Variants in NEB observed in about 807,000 individuals in gnomAD.
NEB encodes the protein nemaline myopathy type 2.
Under a neutral mutation model 952.2 loss-of-function variants are expected in NEB, and 512 were observed. The ratio of observed to expected loss-of-function variants is 0.54; its 90% CI spans 0.50 to 0.58. The LOEUF is 0.58. Ranked by LOEUF, NEB falls within the 20% of genes least tolerant of loss-of-function variation. The pLI, the probability that NEB is intolerant of heterozygous loss-of-function variation, is 0.00. For missense variants in NEB, 8,428 were observed against 9,231.1 expected (o/e 0.91, Z 3.56); for synonymous variants, 2,900 against 3,149.8 (o/e 0.92, Z 2.66).
rs746629795 is a variant in NEB, at chr2:151,646,110, T to G, written c.7536+20A>C. ...TTAAAATGAGCTTTCTGAAAACACA[T>G]GCTGAATTTGAAAACTTACATCACT... is the stretch of plus-strand genomic sequence containing the variant. On this transcript the variant is annotated intron_variant, in intron 55 of 181. Transcript: ENST00000397345. The G allele has an allele frequency of 6.6e-7, 1 of 1,517,112 alleles. No individual in the cohort carries two copies. The highest frequency in any genetic ancestry group is 9.0e-7 in the Non-Finnish European group (1 of 1,113,348). 94.0% of individuals were successfully genotyped at this position (1,517,112 alleles called of 1,614,324 possible).
intron 71 of NEB, among the ~76,000 whole-genome samples, chr2:151,624,654 T>C (rs767407755): frequency 6.6e-6 from 1 of 152,156 alleles, no homozygotes; most frequent in Non-Finnish European, 1.5e-5. Flanking sequence ...AGTAATAAAT[T>C]TGGTCATCTT....
At chr2:151,683,995 T>C (rs2099459293) in intron 28 of NEB, among the ~76,000 whole-genome samples, 1 of 152,168 alleles carries the variant, frequency 6.6e-6, no homozygotes, top group African/African-American at 2.4e-5. Context: ...ACTTTACATA[T>C]ATGAGGTATC....
At chr2:151,716,134 T>C (rs1006946006) in intron 10 of NEB, 16 of 440,594 alleles carry the variant, frequency 3.6e-5, no homozygotes, top group Admixed American at 1.0e-4. Context: ...TTCTTTCTTT[T>C]TTTTTTTCTT....
In NEB at chr2:151,717,639, C is replaced by G. The variant is rs1037856717; in HGVS notation, c.718-119G>C. ...GTCCTAGATGTTACATACCATTGCT[C>G]TCAGTACTGCTAGTGATTTCTATTT... On this transcript the variant is annotated intron_variant, in intron 9 of 181. Coordinates refer to ENST00000397345, the MANE Select transcript of NEB (RefSeq NM_001164508.2). The G allele has an allele frequency of 1.1e-5, 8 of 729,766 alleles. 1 individual carries two copies. The highest frequency in any genetic ancestry group is 5.4e-5 in the East Asian group (2 of 36,790). The allele number at this position is 729,766 out of a possible 1,614,324, so 45.2% of individuals were successfully genotyped here.
intron 173 of NEB, among the ~76,000 whole-genome samples, chr2:151,494,797 C>T (rs1434362247): frequency 2.0e-5 from 3 of 152,084 alleles, no homozygotes; most frequent in South Asian, 2.1e-4. Context: ...TACAGGCGTG[C>T]ACCACCATGC....
At position 151,486,892 on chromosome 2, in the gene NEB, T is replaced by A. The variant is rs537255388; in HGVS notation, c.25405-959A>T. On this transcript the variant is annotated intron_variant, in intron 181 of 181. Coordinates refer to ENST00000397345, the MANE Select transcript of NEB (RefSeq NM_001164508.2). ...GAATGCCAATGGGCACCAGCATTTG[T>A]TTGTTTGTTTTAATTCACCAGAAGA... 2.6e-5 allele frequency: 4 copies of A among 151,616 alleles called. No homozygotes were observed. The South Asian group carries it at 8.3e-4, about 31-fold the overall frequency. The allele number at this position is 151,616 out of a possible 1,614,324, so 9.4% of individuals were successfully genotyped here.
chr2:151,519,964 T>C (rs183147528), intron 153 of NEB, 196 bp from the exon 154 acceptor site: 35 of 445,416 alleles, frequency 7.9e-5, no homozygotes, highest in Admixed American at 2.3e-4. Flanking sequence ...GGCATTCAAA[T>C]ATATGATCAC....
At chr2:151,727,973 T>C (rs1021656939) in intron 4 of NEB, 67 bp from the exon 5 acceptor site, 8 of 1,217,428 alleles carry the variant, frequency 6.6e-6, no homozygotes, top group Non-Finnish European at 9.4e-6. Flanking sequence ...GATCTTAGTA[T>C]ATATTAGTCT....
chr2:151,636,422 A>T (rs2098764291), intron 63 of NEB, 88 bp from the exon 64 acceptor site: 1 of 998,302 alleles, frequency 1.0e-6, no homozygotes, highest in Admixed American at 2.2e-5. Context: ...TTCTCCACAG[A>T]CAGTGCCTAT....
In NEB at chr2:151,565,466, G is replaced by A. The variant is rs548981872; in HGVS notation, c.18366+35C>T. ...CCAATGATAGACAATTTACTCCCCA[G>A]TCTGTGCACTTCAGCATGCACAAAG... On this transcript the variant is annotated intron_variant, in intron 116 of 181. Transcript: ENST00000397345. The A allele has an allele frequency of 2.3e-5, 30 of 1,328,036 alleles. No individual in the cohort carries two copies. The East Asian group carries it at 6.9e-4, about 30-fold the overall frequency. 82.3% of individuals were successfully genotyped at this position (1,328,036 alleles called of 1,614,324 possible). A position where few individuals can be genotyped will look rare whatever the true frequency, so the allele number is the denominator to read the frequency against.
At chr2:151,640,197 T>C in intron 61 of NEB, 137 bp from the exon 62 acceptor site, 1 of 1,456,184 alleles carries the variant, frequency 6.9e-7, no homozygotes. Flanking sequence ...TATTCCTCTT[T>C]GGTCTGAAGG....
At chr2:151,513,733 G>A (rs777291578) in intron 159 of NEB, 40 bp from the exon 160 acceptor site, 2 of 1,322,698 alleles carry the variant, frequency 1.5e-6, no homozygotes, top group Non-Finnish European at 2.1e-6. Flanking sequence ...GTACCTAAAT[G>A]CTACTACTAG....
intron 38 of NEB, 124 bp from the exon 39 acceptor site, chr2:151,669,255 C>T: frequency 3.0e-6 from 2 of 677,294 alleles, no homozygotes; most frequent in Non-Finnish European, 5.1e-6. Context: ...CAAATACCTA[C>T]TCTGTCATAA....
At chr2:151,726,510 T>C (rs1231205463) in intron 5 of NEB, among the ~76,000 whole-genome samples, 1 of 152,162 alleles carries the variant, frequency 6.6e-6, no homozygotes, top group Non-Finnish European at 1.5e-5. Flanking sequence ...TACATTTCAT[T>C]TTTTTAAGCC....
Position 151,696,679 on chromosome 2 carries a change from AG to A in NEB, c.1526del (p.Pro509LeufsTer13), listed in dbSNP as rs1181351466. 2.5e-6 allele frequency: 4 copies of A among 1,613,768 alleles called. No homozygotes were observed. Among genetic ancestry groups the A allele is most frequent in the Non-Finnish European group, 3.4e-6 (4 of 1,179,816 alleles). On this transcript the variant is annotated frameshift_variant, in exon 17 of 182. Coordinates refer to ENST00000397345, the MANE Select transcript of NEB (RefSeq NM_001164508.2). LOFTEE classifies it high-confidence loss of function. ...AATTGACTTGGGCTTGTAGCAGAAC[AG>A]GAGAGTCTGTAACTTGGGTGAATTT... is the stretch of plus-strand genomic sequence containing the variant. The part of the protein sequence containing the change: ...KTKFTQVTDS[P>X]VLLQAQVNSK...
intron 170 of NEB, chr2:151,497,949 T>C: frequency 6.9e-7 from 1 of 1,440,048 alleles, no homozygotes; most frequent in Non-Finnish European, 9.0e-7. Context: ...TCCATGTTAT[T>C]TTTTTTCATT....
At position 151,567,269 on chromosome 2, in the gene NEB, C is replaced by T; in HGVS notation, c.18055G>A (p.Val6019Ile). 2 of 1,613,862 alleles carry T rather than the reference C, an allele frequency of 1.2e-6. No individual in the cohort carries two copies. The highest frequency in any genetic ancestry group is 1.7e-6 in the Non-Finnish European group (2 of 1,179,824). The change falls in exon 114 of 182, where the codon GTC becomes ATC. Residue 6019 changes from valine to isoleucine, a missense_variant. By Grantham distance (29) the Val-to-Ile change is conservative. Around this residue, in one of 11 missense-constraint regions of NEB, gnomAD observed 3,374 missense variants for 3,651.5 expected, o/e 0.92. Coordinates refer to ENST00000397345, the MANE Select transcript of NEB (RefSeq NM_001164508.2). Reference protein sequence around the residue: ...VLAAKQGQTLVSDIDYRNYLH... With the variant: ...VLAAKQGQTLISDIDYRNYLH... ...TAATTACGATAATCAATATCACTGACAAGGGTCTGCCCCTGCTTGGCGGCC... is the reference window on the plus strand; with the variant it reads ...TAATTACGATAATCAATATCACTGATAAGGGTCTGCCCCTGCTTGGCGGCC...
intron 38 of NEB, 72 bp from the exon 39 acceptor site, chr2:151,669,203 T>C: frequency 9.4e-7 from 1 of 1,060,794 alleles, no homozygotes; most frequent in Non-Finnish European, 1.4e-6. Flanking sequence ...CAGAGACTCC[T>C]TTAAAACGGA....
chr2:151,708,445 T>C (rs1410903712), intron 12 of NEB, among the ~76,000 whole-genome samples: 3 of 152,096 alleles, frequency 2.0e-5, no homozygotes, highest in African/African-American at 7.2e-5. Context: ...AGTTGATGAC[T>C]CCCTTCCCCC....
Sources: gnomAD v4.1 joint callset for allele counts (sites outside exome capture counted in the v4.1 genomes callset) on GRCh38, gnomAD v4.1.1 for gene constraint, gnomAD v4.1.1 regional missense constraint, MANE v1.5 for transcripts, NCBI Gene and HGNC (gene_info 2026-07-23, HGNC 2026-07-21) for gene names.